ATL2: variants seen among roughly 807,000 people sequenced by gnomAD.
The protein encoded by ATL2 is atlastin GTPase 2.
In ATL2, 31 loss-of-function variants were observed where a neutral mutation model predicts 73.9. The ratio of observed to expected loss-of-function variants is 0.42; its 90% confidence interval spans 0.32 to 0.57. The LOEUF (loss-of-function observed/expected upper bound fraction) is 0.57, where lower values mean the gene tolerates loss of function less well. Among genes scored for constraint, ATL2 ranks in the 20% least tolerant of loss-of-function variants. The probability of loss-of-function intolerance (pLI) is 0.14; values close to 1 mark genes in which losing one functional copy is unlikely to be tolerated. For synonymous variants in ATL2, 291 were observed against 237.5 expected (o/e 1.23, Z -2.07); for missense variants, 738 against 702.6 (o/e 1.05, Z -0.57).
At chr2:38,316,566 C>G (rs1387454130) in intron 4 of ATL2, among the ~76,000 whole-genome samples, 1 of 152,022 alleles carries the variant, frequency 6.6e-6, no homozygotes, top group Non-Finnish European at 1.5e-5. Flanking sequence ...AAAACTACCC[C>G]CCCCACCCAA....
Position 38,377,174 on chromosome 2 carries a change from C to G in ATL2, c.87G>C (p.Ala29=). The part of the protein sequence containing the change: ...RRRRTSDPSA[A]VNHVSSTTSL... ...AGGTCGTGGACGAGACGTGGTTAAC[C>G]GCGGCGCTTGGGTCGCTGGTCCGTC... The change falls in exon 1 of 13, where the codon GCG becomes GCC. Residue 29 remains alanine (A), a synonymous_variant. Transcript: ENST00000378954. The G allele has an allele frequency of 6.2e-7, 1 of 1,610,878 alleles. No individual in the cohort carries two copies. The highest frequency in any genetic ancestry group is 1.3e-5 in the African/African-American group (1 of 74,878).
At chr2:38,364,987 T>C (rs926370830) in intron 1 of ATL2, among the ~76,000 whole-genome samples, 49 of 150,618 alleles carry the variant, frequency 3.3e-4, no homozygotes, top group African/African-American at 1.1e-3. Context: ...GAGCTTGCAG[T>C]GAGCTGAGAT....
At chr2:38,372,295 G>C (rs1457846568) in intron 1 of ATL2, among the ~76,000 whole-genome samples, 1 of 152,080 alleles carries the variant, frequency 6.6e-6, no homozygotes, top group Non-Finnish European at 1.5e-5. Flanking sequence ...AACTGCATCT[G>C]TACTGAACAT....
intron 12 of ATL2, chr2:38,296,643 A>G (rs1414930281): frequency 5.0e-6 from 8 of 1,595,560 alleles, no homozygotes; most frequent in Non-Finnish European, 6.8e-6. Context: ...CTCGAAGCTA[A>G]AGAGTTTAAG....
intron 1 of ATL2, among the ~76,000 whole-genome samples, chr2:38,356,510 C>A (rs957203755): frequency 6.6e-5 from 10 of 152,132 alleles, no homozygotes; most frequent in African/African-American, 2.4e-4. Context: ...ACTTTACATA[C>A]AGTCTTCTAA....
chr2:38,339,986 C>T (rs1424884512), intron 2 of ATL2, among the ~76,000 whole-genome samples: 1 of 152,062 alleles, frequency 6.6e-6, no homozygotes, highest in Non-Finnish European at 1.5e-5. Context: ...CCCCAACACC[C>T]TGCCCTCATA....
intron 1 of ATL2, among the ~76,000 whole-genome samples, chr2:38,361,046 G>T (rs113031197): frequency 6.6e-6 from 1 of 151,878 alleles, no homozygotes; most frequent in Non-Finnish European, 1.5e-5. Context: ...CCACACCAAC[G>T]TGGAATGAAA....
intron 6 of ATL2, among the ~76,000 whole-genome samples, chr2:38,313,807 G>A (rs998372953): frequency 2.0e-5 from 3 of 152,130 alleles, no homozygotes; most frequent in Admixed American, 2.0e-4. Context: ...TAGATACCAA[G>A]AGGCACTAAG....
chr2:38,363,277 T>C (rs1260999413), intron 1 of ATL2, among the ~76,000 whole-genome samples: 1 of 151,692 alleles, frequency 6.6e-6, no homozygotes, highest in East Asian at 2.0e-4. Flanking sequence ...TGAGCATGTC[T>C]GCTGAATAAA....
intron 4 of ATL2, chr2:38,318,195 A>G (rs1195267303): frequency 5.5e-6 from 1 of 180,454 alleles, no homozygotes; most frequent in Non-Finnish European, 1.1e-5. Flanking sequence ...AGAGGGGCAA[A>G]TGCCAGGCTC....
upstream of ATL2, among the ~76,000 whole-genome samples, chr2:38,377,471 C>T (rs1388099251): frequency 6.6e-6 from 1 of 151,130 alleles, no homozygotes; most frequent in Non-Finnish European, 1.5e-5. Flanking sequence ...GCTCCGCCCT[C>T]GCCCTGCCCG....
chr2:38,325,665 CACACACACACACACACA>C (rs1668578605), intron 2 of ATL2, among the ~76,000 whole-genome samples: 1 of 33,404 alleles, frequency 3.0e-5, no homozygotes, highest in Admixed American at 3.0e-4. Context: ...CACCAGTACA[CACACACACACACACACA>C]CACACACACA....
intron 2 of ATL2, among the ~76,000 whole-genome samples, chr2:38,319,774 C>CA (rs1240897953): frequency 6.6e-6 from 1 of 152,064 alleles, no homozygotes; most frequent in East Asian, 1.9e-4. Context: ...GAATAGCTTA[C>CA]AGTAAGTTTT....
intron 2 of ATL2, among the ~76,000 whole-genome samples, chr2:38,331,768 G>T (rs1024906268): frequency 1.3e-5 from 2 of 151,902 alleles, no homozygotes; most frequent in Admixed American, 1.3e-4. Context: ...CAAAAATGGT[G>T]CTGGGACAAA....
chr2:38,330,458 G>A (rs1352770660), intron 2 of ATL2, among the ~76,000 whole-genome samples: 1 of 152,058 alleles, frequency 6.6e-6, no homozygotes, highest in Non-Finnish European at 1.5e-5. Flanking sequence ...AAAGAAAGAA[G>A]TAAAACAATC....
In ATL2 at chr2:38,295,575, C is replaced by A. The variant is rs970325923; in HGVS notation, c.*419G>T. 2.6e-5 allele frequency: 4 copies of A among 153,988 alleles called. No homozygotes were observed. The highest frequency in any genetic ancestry group is 9.6e-5 in the African/African-American group (4 of 41,452). 9.5% of individuals were successfully genotyped at this position (153,988 alleles called of 1,614,324 possible). On this transcript the variant is annotated 3_prime_UTR_variant, in exon 13 of 13. Transcript: ENST00000378954. ...AGTGGCTCAATAAAGGCTTCATTGT[C>A]TTTCCAATCTGGTTCTTGAAACAGT...
intron 4 of ATL2, among the ~76,000 whole-genome samples, chr2:38,316,816 C>A (rs143406381): frequency 6.6e-6 from 1 of 152,122 alleles, no homozygotes; most frequent in African/African-American, 2.4e-5. Flanking sequence ...CAAAAAAAGA[C>A]TAAGGGATAA....
At chr2:38,325,223 A>G (rs1430478420) in intron 2 of ATL2, among the ~76,000 whole-genome samples, 6 of 152,218 alleles carry the variant, frequency 3.9e-5, no homozygotes, top group Non-Finnish European at 8.8e-5. Context: ...AACAAGAGAA[A>G]AGCTTAGCAA....
intron 12 of ATL2, among the ~76,000 whole-genome samples, chr2:38,297,401 G>GT (rs1491000441): frequency 6.6e-6 from 1 of 152,148 alleles, no homozygotes; most frequent in African/African-American, 2.4e-5. Context: ...TGATGTTCAA[G>GT]TATTTCACGA....
Sources: gnomAD v4.1 joint callset for allele counts (sites outside exome capture counted in the v4.1 genomes callset) on GRCh38, gnomAD v4.1.1 for gene constraint, MANE v1.5 for transcripts, NCBI Gene and HGNC (gene_info 2026-07-23, HGNC 2026-07-21) for gene names.